Variants in RAD51B observed in about 807,000 individuals in gnomAD.
RAD51B encodes the protein DNA repair protein RAD51 homolog 2.
Under a neutral mutation model 42.2 loss-of-function variants are expected in RAD51B, and 38 were observed. The observed-to-expected ratio is 0.90, with a 90% CI of 0.70 to 1.18. The LOEUF (loss-of-function observed/expected upper bound fraction) is 1.18, where lower values mean the gene tolerates loss of function less well. Ranked by LOEUF, RAD51B falls within the 50% of genes most tolerant of loss-of-function variation. The pLI is 0.00. For missense variants in RAD51B, 373 were observed against 400.7 expected (o/e 0.93, Z 0.59); for synonymous variants, 154 against 145.2 (o/e 1.06, Z -0.43).
chr14:68,069,733 C>T (rs2076710872), intron 7 of RAD51B: 1 of 152,080 alleles, frequency 6.6e-6, no homozygotes, highest in South Asian at 2.1e-4. Context: ...GTGAATAGTG[C>T]TGTGATGAAC....
intron 7 of RAD51B, among the ~76,000 whole-genome samples, chr14:67,943,927 G>A (rs1031014839): frequency 6.6e-6 from 1 of 152,176 alleles, no homozygotes; most frequent in African/African-American, 2.4e-5. Context: ...TATAGATAGT[G>A]TAGGTATTTA....
intron 7 of RAD51B, among the ~76,000 whole-genome samples, chr14:67,996,344 C>G (rs576657529): frequency 2.6e-5 from 4 of 151,604 alleles, no homozygotes; most frequent in Non-Finnish European, 5.9e-5. Context: ...TGCAGTGAGC[C>G]AAGATCATGA....
At chr14:68,264,776 A>C (rs1300785432) in intron 7 of RAD51B, among the ~76,000 whole-genome samples, 3 of 152,208 alleles carry the variant, frequency 2.0e-5, no homozygotes, top group Non-Finnish European at 4.4e-5. Flanking sequence ...TTAGGATCCA[A>C]GAAAAGTGGA....
At chr14:68,266,475 G>T (rs1566771124) in intron 7 of RAD51B, among the ~76,000 whole-genome samples, 1 of 152,228 alleles carries the variant, frequency 6.6e-6, no homozygotes. Context: ...AGATAGGTCA[G>T]AAAATTATTT....
At chr14:68,611,670 C>T, downstream of RAD51B, 1 of 255,816 alleles carries the variant, frequency 3.9e-6, no homozygotes. Context: ...TGCAGTCGCA[C>T]AGGCAGTCTC....
intron 7 of RAD51B, among the ~76,000 whole-genome samples, chr14:68,211,657 A>C (rs2079711194): frequency 6.6e-6 from 1 of 152,192 alleles, no homozygotes; most frequent in African/African-American, 2.4e-5. Flanking sequence ...ATCAGAGCAT[A>C]GTTGTGGAAA....
At chr14:67,959,072 TA>T (rs2074606458) in intron 7 of RAD51B, among the ~76,000 whole-genome samples, 1 of 152,228 alleles carries the variant, frequency 6.6e-6, no homozygotes, top group Non-Finnish European at 1.5e-5. Flanking sequence ...TAACCCATTA[TA>T]AATGATACTA....
chr14:68,349,428 A>G lies in RAD51B; in HGVS notation c.853+57448A>G, dbSNP rs2082738181. ...GTCACCCAGGCTGGAGTGCAGTGGC[A>G]CCATCTTGGCTCACTGCAACCTCCG... On this transcript the variant is annotated intron_variant, in intron 8 of 10. Coordinates refer to ENST00000471583, the MANE Select transcript of RAD51B (RefSeq NM_133510.4). Among the ~76,000 whole-genome samples, 5 of 152,104 alleles carry G rather than the reference A, an allele frequency of 3.3e-5. No homozygotes were observed. In the South Asian group the frequency reaches 8.3e-4, roughly 25 times the overall value.
chr14:68,170,875 T>A (rs773286339), intron 7 of RAD51B, among the ~76,000 whole-genome samples: 5 of 152,344 alleles, frequency 3.3e-5, no homozygotes, highest in African/African-American at 1.2e-4. Flanking sequence ...ACATAAAATG[T>A]TGATGAAAAA....
intron 5 of RAD51B, among the ~76,000 whole-genome samples, chr14:67,867,058 G>A (rs1021480873): frequency 1.3e-5 from 2 of 152,158 alleles, no homozygotes; most frequent in Admixed American, 1.3e-4. Flanking sequence ...GGATTTTGAG[G>A]TCTGGTGATA....
At chr14:68,492,577 G>T (rs1884161513) in intron 10 of RAD51B, among the ~76,000 whole-genome samples, 1 of 152,222 alleles carries the variant, frequency 6.6e-6, no homozygotes, top group African/African-American at 2.4e-5. Flanking sequence ...TTGTTCTTGT[G>T]TGTGAAACCA....
At chr14:68,344,479 C>G (rs916389192) in intron 8 of RAD51B, among the ~76,000 whole-genome samples, 2 of 151,928 alleles carry the variant, frequency 1.3e-5, no homozygotes, top group African/African-American at 4.8e-5. Flanking sequence ...AACCCCGTCT[C>G]TACTAAAAGT....
intron 7 of RAD51B, among the ~76,000 whole-genome samples, chr14:68,077,341 T>C (rs1285694134): frequency 6.6e-6 from 1 of 152,208 alleles, no homozygotes; most frequent in Non-Finnish European, 1.5e-5. Context: ...ATACAAGATA[T>C]TGTCCCTGCC....
At chr14:67,898,165 A>G (rs1420761456) in intron 7 of RAD51B, among the ~76,000 whole-genome samples, 1 of 152,216 alleles carries the variant, frequency 6.6e-6, no homozygotes, top group Non-Finnish European at 1.5e-5. Flanking sequence ...AAGTCATGGA[A>G]GCAATCTAAA....
exon 11 of RAD51B, chr14:68,595,296 T>C: frequency 7.5e-6 from 8 of 1,066,012 alleles, no homozygotes; most frequent in Non-Finnish European, 9.1e-6. Context: ...GGCATTTCGC[T>C]TCCTTTGCTG....
chr14:68,279,588 T>C (rs1042695213), intron 7 of RAD51B, among the ~76,000 whole-genome samples: 4 of 152,186 alleles, frequency 2.6e-5, no homozygotes, highest in Non-Finnish European at 2.9e-5. Context: ...TAGCTGAGTC[T>C]TTAACATAAG....
chr14:67,940,976 G>A (rs1264822580), intron 7 of RAD51B, among the ~76,000 whole-genome samples: 1 of 152,102 alleles, frequency 6.6e-6, no homozygotes, highest in African/African-American at 2.4e-5. Flanking sequence ...TATGAACCGT[G>A]CAGAATATTT....
intron 7 of RAD51B, among the ~76,000 whole-genome samples, chr14:68,047,695 C>G (rs2076325180): frequency 6.6e-6 from 1 of 152,152 alleles, no homozygotes; most frequent in Non-Finnish European, 1.5e-5. Flanking sequence ...AATATTATCT[C>G]TTCTCAGCAC....
downstream of RAD51B, among the ~76,000 whole-genome samples, chr14:68,613,064 T>C (rs1891732126): frequency 6.6e-6 from 1 of 152,226 alleles, no homozygotes; most frequent in Admixed American, 6.5e-5. Context: ...ATTTAACATC[T>C]GGGCCTGCCC....
Sources: gnomAD v4.1 joint callset for allele counts (sites outside exome capture counted in the v4.1 genomes callset) on GRCh38, gnomAD v4.1.1 for gene constraint, MANE v1.5 for transcripts, NCBI Gene and HGNC (gene_info 2026-07-23, HGNC 2026-07-21) for gene names.